Variants in GUCY2C observed in about 807,000 individuals in gnomAD.
GUCY2C encodes the protein guanylate cyclase 2C.
GUCY2C carries 118 observed loss-of-function variants against 131.1 expected under a neutral mutation model. The observed-to-expected ratio is 0.90, with a 90% CI of 0.78 to 1.05. The LOEUF (loss-of-function observed/expected upper bound fraction) is 1.05, where lower values mean the gene tolerates loss of function less well. GUCY2C is among the 50% of genes least tolerant of loss of function. GUCY2C has a pLI of 0.00. For missense variants in GUCY2C, 1,161 were observed against 1,304.4 expected (o/e 0.89, Z 1.69); for synonymous variants, 452 against 457.8 (o/e 0.99, Z 0.16).
rs748097802 is a variant in GUCY2C at position 14,619,238 on chromosome 12, C to G, written c.2848G>C (p.Ala950Pro). 5 of 1,609,436 alleles carry G rather than the reference C, an allele frequency of 3.1e-6. No homozygotes were observed. The highest frequency in any genetic ancestry group is 1.3e-5 in the African/African-American group (1 of 74,804). The change falls in exon 24 of 27, where the codon GCC becomes CCC. Residue 950 changes from alanine (A) to proline (P), a missense_variant. By Grantham distance (27) the Ala-to-Pro change is conservative. Transcript: ENST00000261170. The part of the protein sequence containing the change: ...YCLFGDTVNT[A>P]SRMESTGLPL... ...AGGCCAGTGGATTCCATCCTAGAGGCTGTGTTGACCGTATCTCCAAATAGA... is the reference window on the plus strand; with the variant it reads ...AGGCCAGTGGATTCCATCCTAGAGGGTGTGTTGACCGTATCTCCAAATAGA...
At chr12:14,676,782 A>G (rs1405300970) in intron 7 of GUCY2C, 72 bp downstream of exon 7, 14 of 436,466 alleles carry the variant, frequency 3.2e-5, no homozygotes, top group Non-Finnish European at 4.4e-5. Context: ...CTAAATGGAG[A>G]AAAATTATCT....
In GUCY2C at chr12:14,641,323, A is replaced by G. The variant is rs1947399484; in HGVS notation, c.1931-104T>C. 3.5e-6 allele frequency: 4 copies of G among 1,151,532 alleles called. No individual in the cohort carries two copies. The South Asian group carries it at 4.1e-5, about 12-fold the overall frequency. 71.3% of individuals were successfully genotyped at this position (1,151,532 alleles called of 1,614,324 possible). A position where few individuals can be genotyped will look rare whatever the true frequency, so the allele number is the denominator to read the frequency against. ...ATTCCCTACACCATCCACTCTAAAT[A>G]TGGGTGATAGCTTATAAGTGGCCTT... On this transcript the variant is annotated intron_variant, in intron 17 of 26. Coordinates refer to ENST00000261170, the MANE Select transcript of GUCY2C (RefSeq NM_004963.4).
At chr12:14,660,311 A>G (rs894166552) in intron 11 of GUCY2C, among the ~76,000 whole-genome samples, 11 of 152,234 alleles carry the variant, frequency 7.2e-5, no homozygotes, top group Non-Finnish European at 1.5e-4. Context: ...TCACTCATTT[A>G]TGTATTCAAT....
At chr12:14,636,187 A>T (rs73312039) in intron 19 of GUCY2C, among the ~76,000 whole-genome samples, 3,568 of 152,284 alleles carry the variant, frequency 0.023, 141 homozygotes, top group African/African-American at 0.079. Flanking sequence ...AGGAACATAG[A>T]TGCAAAAATC....
At chr12:14,627,480 A>G (rs2136993275) in intron 20 of GUCY2C, among the ~76,000 whole-genome samples, 1 of 152,340 alleles carries the variant, frequency 6.6e-6, no homozygotes, top group Non-Finnish European at 1.5e-5. Context: ...ATCTTACTCT[A>G]GGATGAATTG....
rs75301947 is a variant in GUCY2C, at chr12:14,620,347, T to G, written c.2776+695A>C. Among the ~76,000 whole-genome samples the G allele has an allele frequency of 3.4e-3, 520 of 152,320 alleles. 4 individuals are homozygous for G. The highest frequency in any genetic ancestry group is 0.012 in the African/African-American group (493 of 41,588). Reference sequence around the variant, plus strand: ...GACCAAATCAGGGGAACACAGAGGTTTGACCAATCAAGTTGTTTCTGTCCC... The same window carrying G: ...GACCAAATCAGGGGAACACAGAGGTGTGACCAATCAAGTTGTTTCTGTCCC... On this transcript the variant is annotated intron_variant, in intron 23 of 26. Coordinates refer to ENST00000261170, the MANE Select transcript of GUCY2C (RefSeq NM_004963.4).
intron 1 of GUCY2C, among the ~76,000 whole-genome samples, chr12:14,692,194 C>A (rs920385091): frequency 1.3e-5 from 2 of 152,026 alleles, no homozygotes; most frequent in African/African-American, 4.8e-5. Flanking sequence ...TTCTACTCTC[C>A]TTCTCTCATG....
chr12:14,663,352 G>A (rs531355007), intron 10 of GUCY2C, among the ~76,000 whole-genome samples: 9 of 152,312 alleles, frequency 5.9e-5, no homozygotes, highest in Admixed American at 1.3e-4. Context: ...GCACGATCTC[G>A]GCTCACCGCA....
chr12:14,642,128 G>C (rs1947419441), intron 17 of GUCY2C, among the ~76,000 whole-genome samples: 1 of 152,064 alleles, frequency 6.6e-6, no homozygotes, highest in African/African-American at 2.4e-5. Flanking sequence ...CTCAGCTAGG[G>C]TCCACAGTGG....
At position 14,673,674 on chromosome 12, in the gene GUCY2C, C is replaced by T. The variant is rs185178993; in HGVS notation, c.1085-716G>A. 5.3e-5 allele frequency among the ~76,000 whole-genome samples: 8 copies of T among 152,192 alleles called. No individual in the cohort carries two copies. The East Asian group carries it at 5.8e-4, about 11-fold the overall frequency. On this transcript the variant is annotated intron_variant, in intron 8 of 26. Coordinates refer to ENST00000261170, the MANE Select transcript of GUCY2C (RefSeq NM_004963.4). ...TAAGGGTCGTACGGCTGGTAGGTGGCGGGAACAAACATTTGTTTGTTTCCT... is the reference window on the plus strand; with the variant it reads ...TAAGGGTCGTACGGCTGGTAGGTGGTGGGAACAAACATTTGTTTGTTTCCT...
intron 12 of GUCY2C, 99 bp downstream of exon 12, chr12:14,656,413 C>A: frequency 3.0e-6 from 2 of 667,222 alleles, no homozygotes; most frequent in South Asian, 2.0e-5. Flanking sequence ...CTTTCTAGAA[C>A]AACTATCCCT....
At chr12:14,657,014 T>A (rs1412488603) in intron 11 of GUCY2C, among the ~76,000 whole-genome samples, 1 of 152,210 alleles carries the variant, frequency 6.6e-6, no homozygotes. Flanking sequence ...TATGACAATC[T>A]AATGCCCTGA....
intron 9 of GUCY2C, among the ~76,000 whole-genome samples, chr12:14,671,013 C>T (rs1948095623): frequency 2.0e-5 from 3 of 151,684 alleles, no homozygotes; most frequent in Non-Finnish European, 4.4e-5. Context: ...TATTCACTAT[C>T]ACGAGACTAG....
At chr12:14,646,955 A>T (rs986454271) in intron 15 of GUCY2C, among the ~76,000 whole-genome samples, 1 of 152,154 alleles carries the variant, frequency 6.6e-6, no homozygotes, top group Non-Finnish European at 1.5e-5. Context: ...CAATCTGGGG[A>T]TTTGACCCCT....
At chr12:14,694,894 A>G (rs571616976) in intron 1 of GUCY2C, among the ~76,000 whole-genome samples, 1 of 152,330 alleles carries the variant, frequency 6.6e-6, no homozygotes, top group South Asian at 2.1e-4. Context: ...GAAAATGAAA[A>G]TGTTCATTGA....
At chr12:14,686,356 A>G in intron 2 of GUCY2C, 131 bp from the exon 3 acceptor site, 1 of 668,002 alleles carries the variant, frequency 1.5e-6, no homozygotes, top group Non-Finnish European at 2.7e-6. Flanking sequence ...AACTCAGAGC[A>G]ACATAGGGTG....
chr12:14,680,737 G>A (rs1362018166), intron 5 of GUCY2C, among the ~76,000 whole-genome samples: 4 of 152,078 alleles, frequency 2.6e-5, no homozygotes, highest in Non-Finnish European at 4.4e-5. Flanking sequence ...GTTCTTTAGT[G>A]GTGATTTCTA....
At chr12:14,668,875 T>G (rs1948039421) in intron 10 of GUCY2C, among the ~76,000 whole-genome samples, 1 of 152,078 alleles carries the variant, frequency 6.6e-6, no homozygotes, top group Non-Finnish European at 1.5e-5. Flanking sequence ...GGGCTATTCA[T>G]GACATGATAG....
chr12:14,651,869 C>T, intron 14 of GUCY2C, 90 bp downstream of exon 14: 4 of 708,228 alleles, frequency 5.6e-6, no homozygotes, highest in Non-Finnish European at 9.8e-6. Context: ...GAGGGCTTTT[C>T]TGTCAGCCTC....
Sources: gnomAD v4.1 joint callset for allele counts (sites outside exome capture counted in the v4.1 genomes callset) on GRCh38, gnomAD v4.1.1 for gene constraint, MANE v1.5 for transcripts, NCBI Gene and HGNC (gene_info 2026-07-23, HGNC 2026-07-21) for gene names.